The following NFATC1 variants were observed in gnomAD, a reference collection of about 807,000 sequenced individuals.
NFATC1 encodes nuclear factor of activated T-cells, cytoplasmic 1.
NFATC1 carries 22 observed loss-of-function variants against 76.0 expected under a neutral mutation model. The observed-to-expected ratio is 0.29, with a 90% CI of 0.21 to 0.41. The LOEUF (loss-of-function observed/expected upper bound fraction) is 0.41. Ranked by LOEUF, NFATC1 falls within the 10% of genes least tolerant of loss-of-function variation. The pLI, the probability that NFATC1 is intolerant of heterozygous loss-of-function variation, is 1.00. For missense variants in NFATC1, 1,357 were observed against 1,337.7 expected, an observed-to-expected ratio of 1.01 and a Z score of -0.23; for synonymous variants, 704 against 613.1, an observed-to-expected ratio of 1.15 and a Z score of -2.19.
chr18:79,446,801 G>C (rs1301377518), intron 3 of NFATC1, among the ~76,000 whole-genome samples: 2 of 152,236 alleles, frequency 1.3e-5, no homozygotes, highest in Non-Finnish European at 2.9e-5. Flanking sequence ...CTTGGGTGCA[G>C]AGACTCCTGT....
chr18:79,448,552 G>A (rs962976902), intron 3 of NFATC1: 36 of 576,228 alleles, frequency 6.2e-5, no homozygotes, highest in Non-Finnish European at 8.3e-5. Flanking sequence ...GGATGCATAC[G>A]TGCAAGGCCC....
chr18:79,492,150 GTGTTTGCA>G (rs1397729032), intron 9 of NFATC1, among the ~76,000 whole-genome samples: 1 of 152,194 alleles, frequency 6.6e-6, no homozygotes, highest in Non-Finnish European at 1.5e-5. Context: ...CACAGTGTCC[GTGTTTGCA>G]TCCCTGAGGG....
intron 1 of NFATC1, chr18:79,402,265 G>A (rs1375621532): frequency 1.4e-5 from 13 of 919,132 alleles, no homozygotes; most frequent in African/African-American, 1.2e-4. Context: ...TCACAAGGAC[G>A]CCACAGTTTA....
chr18:79,473,354 TGA>T (rs1253694240), intron 8 of NFATC1, among the ~76,000 whole-genome samples: 6 of 152,386 alleles, frequency 3.9e-5, no homozygotes, highest in Non-Finnish European at 7.3e-5. Context: ...AGACGGCAAG[TGA>T]GAGAAGCGTG....
intron 6 of NFATC1, among the ~76,000 whole-genome samples, chr18:79,454,679 A>G (rs757990183): frequency 6.6e-6 from 1 of 152,206 alleles, no homozygotes; most frequent in Non-Finnish European, 1.5e-5. Flanking sequence ...CTTAGTTTAC[A>G]GCTTCCTCGG....
At position 79,423,281 on chromosome 18, in the gene NFATC1, G is replaced by A. The variant is rs185763353; in HGVS notation, c.1227-10298G>A. On this transcript the variant is annotated intron_variant, in intron 2 of 9. Transcript: ENST00000427363. ...TCCGGCCTCACAGCCCAGATCCCGC[G>A]CGCTCCCGGTCTGTGGCTTTGACTT... Among the ~76,000 whole-genome samples, 62 of 152,314 alleles carry A rather than the reference G, an allele frequency of 4.1e-4. 1 individual carries two copies. The East Asian group carries it at 0.011, about 26-fold the overall frequency.
At chr18:79,442,336 T>G (rs1167143786) in intron 3 of NFATC1, among the ~76,000 whole-genome samples, 1 of 152,248 alleles carries the variant, frequency 6.6e-6, no homozygotes, top group Non-Finnish European at 1.5e-5. Flanking sequence ...TCGGTCCTGC[T>G]GAGCAGCCTC....
intron 8 of NFATC1, among the ~76,000 whole-genome samples, chr18:79,478,079 C>A (rs1600863085): frequency 1.4e-5 from 2 of 146,826 alleles, no homozygotes; most frequent in African/African-American, 5.0e-5. Flanking sequence ...CCCTGCCCCC[C>A]TGCCTGCCCA....
intron 3 of NFATC1, among the ~76,000 whole-genome samples, chr18:79,443,587 A>G (rs1273172897): frequency 6.6e-6 from 1 of 152,176 alleles, no homozygotes; most frequent in Non-Finnish European, 1.5e-5. Flanking sequence ...CAGGCTTGCT[A>G]TGTAACCTCC....
chr18:79,415,458 AT>A (rs1195983723), intron 2 of NFATC1, among the ~76,000 whole-genome samples: 2 of 151,476 alleles, frequency 1.3e-5, no homozygotes, highest in East Asian at 2.0e-4. Context: ...ATTTTTTTGT[AT>A]TTTTAGTAGA....
intron 5 of NFATC1, 57 bp from the exon 6 acceptor site, chr18:79,451,619 G>A (rs1194094146): frequency 6.9e-7 from 1 of 1,455,652 alleles, no homozygotes; most frequent in Non-Finnish European, 9.1e-7. Flanking sequence ...TGCCACACGT[G>A]TGCCCCAGGC....
rs904896518 is a variant in NFATC1, at chr18:79,410,211, A to T, written c.128-192A>T. On this transcript the variant is annotated intron_variant, in intron 1 of 9. Transcript: ENST00000427363. The surrounding 1 kb of genome is among the most constrained non-coding windows in gnomAD (Gnocchi z 6.7). ...GGGGCTCACGGGAGCCTTGTTGGCC[A>T]GGTGGGACTGGGGCTGTCACTCCAA... 2.3e-6 allele frequency: 2 copies of T among 879,240 alleles called. No individual in the cohort carries two copies. Among genetic ancestry groups the T allele is most frequent in the Non-Finnish European group, 3.7e-6 (2 of 546,370 alleles). The allele number at this position is 879,240 out of a possible 1,614,324, so 54.5% of individuals were successfully genotyped here.
intron 3 of NFATC1, among the ~76,000 whole-genome samples, chr18:79,442,744 C>T (rs1331377252): frequency 6.6e-6 from 1 of 152,244 alleles, no homozygotes; most frequent in Admixed American, 6.5e-5. Flanking sequence ...CTTGCTGTAG[C>T]CTGCAGGTCA....
At chr18:79,450,173 C>T (rs770593334) in intron 4 of NFATC1, among the ~76,000 whole-genome samples, 2 of 152,156 alleles carry the variant, frequency 1.3e-5, no homozygotes, top group Non-Finnish European at 2.9e-5. Context: ...GCTGCCGCCT[C>T]GTGGGTGGTC....
At position 79,410,343 on chromosome 18, in the gene NFATC1, G is replaced by A; in HGVS notation, c.128-60G>A. The A allele has an allele frequency of 6.5e-7, 1 of 1,542,014 alleles. No individual in the cohort carries two copies. On this transcript the variant is annotated intron_variant, in intron 1 of 9. Transcript: ENST00000427363. The surrounding 1 kb of genome is among the most constrained non-coding windows in gnomAD (Gnocchi z 6.7). ...GGTTGCTGGCCGGCCCTGAGTTCAT[G>A]GGTTTCTGCTTTGTGATGCCCAGCC...
Position 79,449,717 on chromosome 18 carries a change from G to A in NFATC1, c.1589+733G>A, listed in dbSNP as rs535988038. On this transcript the variant is annotated intron_variant, in intron 4 of 9. Transcript: ENST00000427363. ...TCCTGCGAGGGTGACCCGCAGGCTG[G>A]GAGCCCGTGTGATGGGGAAGCTGTG... is the stretch of plus-strand genomic sequence containing the variant. Among the ~76,000 whole-genome samples, 262 of 152,332 alleles carry A rather than the reference G, an allele frequency of 1.7e-3. 1 individual carries two copies. Among genetic ancestry groups the A allele is most frequent in the Admixed American group, 4.6e-3 (71 of 15,302 alleles).
At chr18:79,494,584 AGCGG>A (rs1193582335) in intron 9 of NFATC1, among the ~76,000 whole-genome samples, 18 of 84,278 alleles carry the variant, frequency 2.1e-4, no homozygotes, top group African/African-American at 7.5e-4. Flanking sequence ...GGAAGGCGAG[AGCGG>A]GCACACGCCC....
intron 9 of NFATC1, among the ~76,000 whole-genome samples, chr18:79,513,657 C>T (rs1327898766): frequency 6.6e-6 from 1 of 152,184 alleles, no homozygotes; most frequent in African/African-American, 2.4e-5. Context: ...GGCATGGGGG[C>T]GGTTTCCCTT....
At chr18:79,462,289 C>T (rs1409655312) in intron 7 of NFATC1, among the ~76,000 whole-genome samples, 1 of 152,176 alleles carries the variant, frequency 6.6e-6, no homozygotes, top group East Asian at 1.9e-4. Flanking sequence ...CTGACGCTGT[C>T]TTGTAATTGG....
Sources: gnomAD v4.1 joint callset for allele counts (sites outside exome capture counted in the v4.1 genomes callset) on GRCh38, gnomAD v4.1.1 for gene constraint, Gnocchi (gnomAD v3.1) non-coding constraint, MANE v1.5 for transcripts, NCBI Gene and HGNC (gene_info 2026-07-23, HGNC 2026-07-21) for gene names.